Variants in LAMA2 observed in about 807,000 individuals in gnomAD.
LAMA2 encodes the protein laminin subunit alpha-2.
Under a neutral mutation model 364.8 loss-of-function variants are expected in LAMA2, and 269 were observed. The ratio of observed to expected loss-of-function variants is 0.74; its 90% CI spans 0.67 to 0.82. The LOEUF is 0.82. Ranked by LOEUF, LAMA2 falls within the 40% of genes least tolerant of loss-of-function variation. The probability of loss-of-function intolerance (pLI) is 0.00; values close to 1 mark genes in which losing one functional copy is unlikely to be tolerated. For missense variants in LAMA2, 3,807 were observed against 3,873.2 expected, an observed-to-expected ratio of 0.98 and a Z score of 0.45; for synonymous variants, 1,379 against 1,370.6, an observed-to-expected ratio of 1.01 and a Z score of -0.14.
intron 29 of LAMA2, among the ~76,000 whole-genome samples, chr6:129,337,115 G>A (rs932224300): frequency 6.6e-6 from 1 of 152,142 alleles, no homozygotes; most frequent in Non-Finnish European, 1.5e-5. Context: ...AGACTGCATG[G>A]GTCTTGCCCT....
intron 1 of LAMA2, among the ~76,000 whole-genome samples, chr6:128,963,517 T>A (rs1257872432): frequency 7.0e-6 from 1 of 142,178 alleles, no homozygotes; most frequent in Non-Finnish European, 1.5e-5. Flanking sequence ...TCACTGAGTA[T>A]TTTCCACAGA....
chr6:129,231,575 C>G (rs1034281725), intron 12 of LAMA2, among the ~76,000 whole-genome samples: 2 of 152,098 alleles, frequency 1.3e-5, no homozygotes, highest in African/African-American at 4.8e-5. Context: ...CACTTCCCTT[C>G]CATTCATGTT....
chr6:129,444,454 T>C (rs1782268166), intron 44 of LAMA2, among the ~76,000 whole-genome samples: 1 of 152,220 alleles, frequency 6.6e-6, no homozygotes, highest in Non-Finnish European at 1.5e-5. Flanking sequence ...ACTGTGTTTA[T>C]GCTATCTGTA....
intron 1 of LAMA2, among the ~76,000 whole-genome samples, chr6:128,977,625 T>A (rs558309112): frequency 6.6e-6 from 1 of 152,324 alleles, no homozygotes; most frequent in East Asian, 1.9e-4. Flanking sequence ...GACTGATTCA[T>A]TACCTTCAAC....
At position 129,121,965 on chromosome 6, in the gene LAMA2, T is replaced by C. The variant is rs527239333; in HGVS notation, c.640-21936T>C. 3.9e-5 allele frequency among the ~76,000 whole-genome samples: 6 copies of C among 152,258 alleles called. No individual in the cohort carries two copies. The South Asian group carries it at 1.2e-3, about 32-fold the overall frequency. The stretch of plus-strand genomic sequence containing the variant: ...CTTCACTGCAGGAAAAAATAAAATT[T>C]GTGATTATGACTCATTATCATGATG... On this transcript the variant is annotated intron_variant, in intron 4 of 64. Coordinates refer to ENST00000421865, the MANE Select transcript of LAMA2 (RefSeq NM_000426.4).
Position 129,386,239 on chromosome 6 carries a change from T to C in LAMA2, c.5071+3006T>C, listed in dbSNP as rs147627971. Among the ~76,000 whole-genome samples, 421 of 152,162 alleles carry C rather than the reference T, an allele frequency of 2.8e-3. 3 individuals carry two copies. Among genetic ancestry groups the C allele is most frequent in the African/African-American group, 1.0e-2 (414 of 41,550 alleles). ...TTTCAATACTGTGGGAAAGAAAATA[T>C]ATTGAAGTGATAGTGCATACTTTTG... On this transcript the variant is annotated intron_variant, in intron 35 of 64. Transcript: ENST00000421865.
In LAMA2 at chr6:129,484,772, C is replaced by T. The variant is rs181417446; in HGVS notation, c.7750-1702C>T. Among the ~76,000 whole-genome samples, 30 of 152,102 alleles carry T rather than the reference C, an allele frequency of 2.0e-4. No individual in the cohort carries two copies. The South Asian group carries it at 4.8e-3, about 24-fold the overall frequency. Reference sequence around the variant, plus strand: ...TTTTTAAAAGTAAGGTAATGATAAACATAAAATCCACATTTGTGGTTACCT... The same window carrying T: ...TTTTTAAAAGTAAGGTAATGATAAATATAAAATCCACATTTGTGGTTACCT... On this transcript the variant is annotated intron_variant, in intron 55 of 64. Transcript: ENST00000421865.
At chr6:128,930,150 G>T (rs373167655) in intron 1 of LAMA2, among the ~76,000 whole-genome samples, 2 of 152,346 alleles carry the variant, frequency 1.3e-5, no homozygotes, top group East Asian at 3.9e-4. Flanking sequence ...TGACGTGCAC[G>T]GCGGCACTGC....
intron 1 of LAMA2, among the ~76,000 whole-genome samples, chr6:129,043,682 T>A (rs1326174775): frequency 6.6e-6 from 1 of 152,248 alleles, no homozygotes; most frequent in East Asian, 1.9e-4. Context: ...GTATGTCTAG[T>A]ATTTTTTTTT....
chr6:129,035,104 G>A (rs1786523314), intron 1 of LAMA2, among the ~76,000 whole-genome samples: 1 of 151,996 alleles, frequency 6.6e-6, no homozygotes, highest in Non-Finnish European at 1.5e-5. Flanking sequence ...CCCACCAGCA[G>A]CGTATAAGCA....
chr6:129,281,405 G>A (rs1236083683), intron 18 of LAMA2, among the ~76,000 whole-genome samples: 1 of 152,104 alleles, frequency 6.6e-6, no homozygotes, highest in Non-Finnish European at 1.5e-5. Context: ...ACTTATCTAG[G>A]TGAGCATAAT....
chr6:129,472,674 G>A (rs1411234946), intron 51 of LAMA2, among the ~76,000 whole-genome samples: 1 of 151,958 alleles, frequency 6.6e-6, no homozygotes, highest in South Asian at 2.1e-4. Context: ...GTAATTTACA[G>A]TGTACCTGGA....
chr6:129,427,505 T>C (rs184665405), intron 40 of LAMA2, among the ~76,000 whole-genome samples: 2 of 152,328 alleles, frequency 1.3e-5, no homozygotes, highest in East Asian at 1.9e-4. Flanking sequence ...CCTTGCCAGC[T>C]CCACTTTCTC....
At chr6:129,288,836 C>T (rs188691390) in intron 19 of LAMA2, among the ~76,000 whole-genome samples, 2 of 152,286 alleles carry the variant, frequency 1.3e-5, no homozygotes, top group Non-Finnish European at 1.5e-5. Context: ...ATTTGGCCAT[C>T]ATCAGCTTCA....
intron 29 of LAMA2, among the ~76,000 whole-genome samples, chr6:129,337,625 G>A (rs1776027735): frequency 6.6e-6 from 1 of 152,204 alleles, no homozygotes; most frequent in African/African-American, 2.4e-5. Context: ...TGTATGGCAA[G>A]AAGGTTAGAT....
intron 53 of LAMA2, among the ~76,000 whole-genome samples, chr6:129,477,788 A>AT (rs1491240934): frequency 1.1e-4 from 17 of 152,078 alleles, no homozygotes; most frequent in African/African-American, 3.4e-4. Flanking sequence ...AAAAAAAAAC[A>AT]TTTTTTTATT....
At position 129,516,410 on chromosome 6, in the gene LAMA2, ATATATTTTACC is replaced by A; in HGVS notation, c.*69_*79del. The A allele has an allele frequency of 2.7e-6, 4 of 1,490,454 alleles. No individual in the cohort carries two copies. Among genetic ancestry groups the A allele is most frequent in the Admixed American group, 1.8e-5 (1 of 54,124 alleles). The allele number at this position is 1,490,454 out of a possible 1,614,324, so 92.3% of individuals were successfully genotyped here. ...CAAGTATATCAAGTAAAACAAACAAATATATTTTACCTATATATGTTAATTAAACTAATTTG... is the reference window on the plus strand; with the variant it reads ...CAAGTATATCAAGTAAAACAAACAAATATATATGTTAATTAAACTAATTTG... On this transcript the variant is annotated 3_prime_UTR_variant, in exon 65 of 65. Coordinates refer to ENST00000421865, the MANE Select transcript of LAMA2 (RefSeq NM_000426.4).
At chr6:128,948,931 C>T (rs1780644028) in intron 1 of LAMA2, among the ~76,000 whole-genome samples, 1 of 152,140 alleles carries the variant, frequency 6.6e-6, no homozygotes, top group South Asian at 2.1e-4. Flanking sequence ...AATATCTTTT[C>T]TTTATAAATT....
chr6:129,448,204 G>T (rs1236886553), intron 45 of LAMA2, among the ~76,000 whole-genome samples: 1 of 152,014 alleles, frequency 6.6e-6, no homozygotes, highest in East Asian at 1.9e-4. Context: ...AGGATCACTT[G>T]CTCTGGAGGA....
Sources: allele counts gnomAD v4.1 joint callset (sites outside exome capture counted in the v4.1 genomes callset), GRCh38; gene constraint gnomAD v4.1.1; transcripts MANE v1.5; gene names NCBI Gene and HGNC (gene_info 2026-07-23, HGNC 2026-07-21).